The following GSDMA variants were observed in gnomAD, a reference collection of about 807,000 sequenced individuals.
GSDMA encodes gasdermin-A.
In GSDMA, 55 loss-of-function variants were observed where a neutral mutation model predicts 54.3. The ratio of observed to expected loss-of-function variants is 1.01; its 90% confidence interval spans 0.82 to 1.27. GSDMA has a LOEUF of 1.27. GSDMA is among the 50% of genes most tolerant of loss of function. The pLI is 0.00. For missense variants in GSDMA, 542 were observed against 542.6 expected, an observed-to-expected ratio of 1.00 and a Z score of 0.01; for synonymous variants, 211 against 224.7, an observed-to-expected ratio of 0.94 and a Z score of 0.54.
chr17:39,971,699 C>A, intron 5 of GSDMA, 79 bp downstream of exon 5: 2 of 1,053,532 alleles, frequency 1.9e-6, no homozygotes, highest in Admixed American at 1.9e-5. Context: ...TCCCCTCTTG[C>A]GGAAATGTCA....
chr17:39,973,575 A>G (rs1252007026), intron 7 of GSDMA, among the ~76,000 whole-genome samples: 1 of 152,066 alleles, frequency 6.6e-6, no homozygotes, highest in African/African-American at 2.4e-5. Flanking sequence ...AAAAAAAAAA[A>G]AAAAATTAAG....
At chr17:39,973,905 A>T in intron 8 of GSDMA, 75 bp downstream of exon 8, 1 of 1,341,008 alleles carries the variant, frequency 7.5e-7, no homozygotes, top group South Asian at 1.2e-5. Context: ...GAGAAGGCGA[A>T]GTCATTCTTT....
intron 3 of GSDMA, 92 bp downstream of exon 3, chr17:39,966,529 C>T: frequency 8.6e-7 from 1 of 1,156,488 alleles, no homozygotes; most frequent in Non-Finnish European, 1.2e-6. Context: ...AGGTAGGACC[C>T]TTGCACTGAC....
Position 39,966,416 on chromosome 17 carries a change from C to T in GSDMA, c.371C>T (p.Ala124Val). 1 of 1,609,820 alleles carries T rather than the reference C, an allele frequency of 6.2e-7. No individual in the cohort carries two copies. Among genetic ancestry groups the T allele is most frequent in the Non-Finnish European group, 8.5e-7 (1 of 1,178,586 alleles). Residue 124 changes from alanine to valine, a missense_variant, in exon 3 of 12, where the codon GCC becomes GTC. Transcript: ENST00000301659. Reference protein sequence around the residue: ...EVQTLSVAPKALETVQERKLA... With the variant: ...EVQTLSVAPKVLETVQERKLA... Reference sequence around the variant, plus strand: ...CAGACACTCAGTGTGGCTCCCAAGGCCCTGGAGACCGTGCAGGAGAGGTGA... The same window carrying T: ...CAGACACTCAGTGTGGCTCCCAAGGTCCTGGAGACCGTGCAGGAGAGGTGA...
intron 7 of GSDMA, 110 bp from the exon 8 acceptor site, chr17:39,973,699 AG>A (rs1980064770): frequency 1.1e-6 from 1 of 883,556 alleles, no homozygotes; most frequent in Non-Finnish European, 1.8e-6. Context: ...GGGCTCTCCC[AG>A]GAGACAGGCA....
chr17:39,963,250 A>G (rs1979493431), intron 1 of GSDMA, among the ~76,000 whole-genome samples, 165 bp downstream of exon 1: 1 of 151,890 alleles, frequency 6.6e-6, no homozygotes, highest in Non-Finnish European at 1.5e-5. Flanking sequence ...TCTCTGGTGA[A>G]GAGGAGGCTG....
chr17:39,966,007 A>C, intron 2 of GSDMA, 106 bp downstream of exon 2: 1 of 1,081,364 alleles, frequency 9.2e-7, no homozygotes, highest in Non-Finnish European at 1.3e-6. Flanking sequence ...AGGTGATTAG[A>C]TGTCATCTAG....
chr17:39,968,704 G>T (rs1349894148), intron 3 of GSDMA, among the ~76,000 whole-genome samples: 1 of 152,146 alleles, frequency 6.6e-6, no homozygotes, highest in Non-Finnish European at 1.5e-5. Flanking sequence ...AGCTGGGGAA[G>T]GGCAAGAGGA....
At chr17:39,963,256 G>C (rs911078021) in intron 1 of GSDMA, among the ~76,000 whole-genome samples, 171 bp downstream of exon 1, 8 of 152,066 alleles carry the variant, frequency 5.3e-5, no homozygotes, top group Admixed American at 3.9e-4. Flanking sequence ...GTGAAGAGGA[G>C]GCTGCTGTTG....
chr17:39,975,974 A>ATCC lies in GSDMA; in HGVS notation c.1074_1076dup (p.Leu359dup). ...GCTGGTGAAATCCATGGAGAAAAAG[A>ATCC]TCCTACCCGTGCAGCTAAAGCTGGT... is the stretch of plus-strand genomic sequence containing the variant. On this transcript the variant is annotated inframe_insertion, in exon 11 of 12. Coordinates refer to ENST00000301659, the MANE Select transcript of GSDMA (RefSeq NM_178171.5). 1.3e-6 allele frequency: 2 copies of ATCC among 1,599,354 alleles called. No homozygotes were observed. Among genetic ancestry groups the ATCC allele is most frequent in the Non-Finnish European group, 1.7e-6 (2 of 1,172,836 alleles).
chr17:39,971,449 T>TC, intron 4 of GSDMA, 75 bp from the exon 5 acceptor site: 2 of 1,137,482 alleles, frequency 1.8e-6, no homozygotes, highest in Non-Finnish European at 2.6e-6. Flanking sequence ...ACCCTGCACC[T>TC]CCCCCAACTC....
chr17:39,966,352 G>A lies in GSDMA; in HGVS notation c.307G>A (p.Gly103Arg), dbSNP rs775254732. 2.5e-6 allele frequency: 4 copies of A among 1,613,952 alleles called. No homozygotes were observed. In the South Asian group the frequency reaches 3.3e-5, roughly 13 times the overall value. Residue 103 changes from glycine (G) to arginine (R), a missense_variant, in exon 3 of 12, where the codon GGA (glycine) becomes AGA (arginine). Gly to Arg is a moderately radical substitution (Grantham distance 125). Transcript: ENST00000301659. ...VDVPKTVKVK[G>R]TAGLSQNSTL... ...TGTACCAAAGACGGTGAAGGTGAAGGGAACGGCAGGGCTCTCGCAGAACAG... is the reference window on the plus strand; with the variant it reads ...TGTACCAAAGACGGTGAAGGTGAAGAGAACGGCAGGGCTCTCGCAGAACAG...
In GSDMA at chr17:39,970,608, C is replaced by A; in HGVS notation, c.519C>A (p.Ala173=). 6.3e-7 allele frequency: 1 copy of A among 1,585,178 alleles called. No homozygotes were observed. Among genetic ancestry groups the A allele is most frequent in the Non-Finnish European group, 8.6e-7 (1 of 1,166,184 alleles). Residue 173 remains alanine (A), a synonymous_variant, in exon 4 of 12, where the codon GCC becomes GCA. Transcript: ENST00000301659. ...TGGAGCGAGCCGGCAAGGCAGAGGC[C>A]TGCTTCTCCCTCCCCTTCTTCGCCC... ...VTLERAGKAE[A]CFSLPFFAPL... is the part of the protein sequence containing the mutation.
intron 9 of GSDMA, 64 bp downstream of exon 9, chr17:39,974,491 G>C (rs1980112604): frequency 3.4e-6 from 5 of 1,485,388 alleles, no homozygotes; most frequent in Non-Finnish European, 4.5e-6. Flanking sequence ...ATTTGGTGGG[G>C]GCGGGTATTG....
intron 6 of GSDMA, 41 bp downstream of exon 6, chr17:39,972,217 T>C: frequency 7.2e-7 from 1 of 1,381,384 alleles, no homozygotes; most frequent in Non-Finnish European, 1.0e-6. Context: ...TCTTCCGCCC[T>C]ACCCCTGACA....
In GSDMA at chr17:39,965,324, G is replaced by A. The variant is rs1426597651; in HGVS notation, c.-5-359G>A. 2.7e-5 allele frequency among the ~76,000 whole-genome samples: 4 copies of A among 150,918 alleles called. No individual in the cohort carries two copies. In the South Asian group the frequency reaches 8.4e-4, roughly 32 times the overall value. On this transcript the variant is annotated intron_variant, in intron 1 of 11. Coordinates refer to ENST00000301659, the MANE Select transcript of GSDMA (RefSeq NM_178171.5). ...AAAGAGAAATAAATAAAGAAAGAAA[G>A]AAAGAAAGAAAAAGAAAAGAAAGAA...
chr17:39,970,553 AGGT>A lies in GSDMA; in HGVS notation c.470_472del (p.Val157del). On this transcript the variant is annotated inframe_deletion, in exon 4 of 12. Coordinates refer to ENST00000301659, the MANE Select transcript of GSDMA (RefSeq NM_178171.5). ...GGGGAGAACCTGTATGTGGTGATGG[AGGT>A]GGTGGAGACGGTGCAGGAGGTCACA... The A allele has an allele frequency of 6.2e-7, 1 of 1,609,538 alleles. No homozygotes were observed. Among genetic ancestry groups the A allele is most frequent in the Non-Finnish European group, 8.5e-7 (1 of 1,177,750 alleles).
At chr17:39,973,877 C>A (rs1300854073) in intron 8 of GSDMA, 47 bp downstream of exon 8, 21 of 1,554,128 alleles carry the variant, frequency 1.4e-5, no homozygotes, top group Non-Finnish European at 1.9e-5. Flanking sequence ...ATGGAGGTAG[C>A]ATTAGGGGCA....
At chr17:39,964,029 C>A (rs575335794) in intron 1 of GSDMA, among the ~76,000 whole-genome samples, 1 of 152,234 alleles carries the variant, frequency 6.6e-6, no homozygotes, top group South Asian at 2.1e-4. Flanking sequence ...GTGACTAAGA[C>A]CCATTTCCTG....
Sources: gnomAD v4.1 joint callset for allele counts (sites outside exome capture counted in the v4.1 genomes callset) on GRCh38, gnomAD v4.1.1 for gene constraint, MANE v1.5 for transcripts, NCBI Gene and HGNC (gene_info 2026-07-23, HGNC 2026-07-21) for gene names.